KIAA1328: variants seen among roughly 807,000 people sequenced by gnomAD.
The protein encoded by KIAA1328 is protein hinderin.
Under a neutral mutation model 68.1 loss-of-function variants are expected in KIAA1328, and 52 were observed. The ratio of observed to expected loss-of-function variants is 0.76; its 90% CI spans 0.61 to 0.96. The LOEUF (loss-of-function observed/expected upper bound fraction) is 0.96. Ranked by LOEUF, KIAA1328 falls within the 40% of genes least tolerant of loss-of-function variation. The pLI is 0.00. For synonymous variants in KIAA1328, 232 were observed against 239.4 expected, an observed-to-expected ratio of 0.97 and a Z score of 0.28; for missense variants, 641 against 677.6, an observed-to-expected ratio of 0.95 and a Z score of 0.60.
intron 3 of KIAA1328, among the ~76,000 whole-genome samples, chr18:36,843,487 A>G (rs949753540): frequency 1.7e-4 from 26 of 152,250 alleles, no homozygotes; most frequent in Admixed American, 1.1e-3. Flanking sequence ...GACCCCTCCT[A>G]ATGATGCTGA....
intron 6 of KIAA1328, among the ~76,000 whole-genome samples, chr18:37,036,209 G>A (rs2055020052): frequency 6.6e-6 from 1 of 152,206 alleles, no homozygotes; most frequent in African/African-American, 2.4e-5. Flanking sequence ...CACTTGGTTT[G>A]AGTTGTTTCT....
intron 4 of KIAA1328, among the ~76,000 whole-genome samples, chr18:36,865,527 A>G (rs565322342): frequency 2.3e-3 from 354 of 152,300 alleles, no homozygotes; most frequent in Non-Finnish European, 3.4e-3. Context: ...CTCTTGGATG[A>G]CTTCGAGAGA....
intron 6 of KIAA1328, among the ~76,000 whole-genome samples, chr18:37,049,334 C>T (rs1210959990): frequency 6.6e-6 from 1 of 152,162 alleles, no homozygotes; most frequent in Non-Finnish European, 1.5e-5. Flanking sequence ...ATGATGCCAA[C>T]TCAGCCTTGA....
rs955803165 is a variant in KIAA1328 at position 37,024,744 on chromosome 18, A to G, written c.577-42146A>G. ...ATTGCTGCATAGTATTCCATGGTGT[A>G]TATGTGCCATATTTTCTCAATCCAG... On this transcript the variant is annotated intron_variant, in intron 6 of 9. Coordinates refer to ENST00000280020, the MANE Select transcript of KIAA1328 (RefSeq NM_020776.3). Among the ~76,000 whole-genome samples, 8 of 152,218 alleles carry G rather than the reference A, an allele frequency of 5.3e-5. No individual in the cohort carries two copies. In the East Asian group the frequency reaches 1.2e-3, roughly 22 times the overall value.
intron 6 of KIAA1328, among the ~76,000 whole-genome samples, chr18:37,053,607 G>T (rs1878231712): frequency 6.6e-6 from 1 of 152,074 alleles, no homozygotes; most frequent in Admixed American, 6.5e-5. Context: ...CCCAAGACTG[G>T]GTAATTTATA....
In KIAA1328 at chr18:37,002,231, T is replaced by C. The variant is rs1447479490; in HGVS notation, c.576+42796T>C. On this transcript the variant is annotated intron_variant, in intron 6 of 9. Transcript: ENST00000280020. The stretch of plus-strand genomic sequence containing the variant: ...TTCTTTTTCTTCATTTTTTTTTCTT[T>C]TTTTTTTTTTTTTTTTTGAGACAGT... 4.2e-4 allele frequency among the ~76,000 whole-genome samples: 16 copies of C among 37,926 alleles called. No homozygotes were observed. The East Asian group carries it at 0.017, about 40-fold the overall frequency. 24.9% of individuals were successfully genotyped at this position (37,926 alleles called of 152,430 possible). A position where few individuals can be genotyped will look rare whatever the true frequency, so the allele number is the denominator to read the frequency against.
intron 7 of KIAA1328, among the ~76,000 whole-genome samples, chr18:37,158,424 A>G (rs1051085747): frequency 6.6e-6 from 1 of 152,152 alleles, no homozygotes; most frequent in Admixed American, 6.5e-5. Flanking sequence ...CTGGGTATTA[A>G]TGGAGGATCT....
intron 6 of KIAA1328, among the ~76,000 whole-genome samples, chr18:37,019,878 G>T (rs969787482): frequency 1.3e-5 from 2 of 152,194 alleles, no homozygotes; most frequent in African/African-American, 4.8e-5. Flanking sequence ...AGATGAGTGG[G>T]TACAACAAAT....
At chr18:36,892,760 C>G (rs1598626757) in intron 5 of KIAA1328, among the ~76,000 whole-genome samples, 1 of 152,220 alleles carries the variant, frequency 6.6e-6, no homozygotes, top group Non-Finnish European at 1.5e-5. Context: ...TTGAATGATT[C>G]TTTCCATTTG....
At chr18:37,004,220 A>G (rs1194230739) in intron 6 of KIAA1328, among the ~76,000 whole-genome samples, 1 of 151,990 alleles carries the variant, frequency 6.6e-6, no homozygotes, top group African/African-American at 2.4e-5. Flanking sequence ...ATCCATGAGC[A>G]TGGGAGGTGT....
At chr18:36,992,315 C>T (rs1043867094) in intron 6 of KIAA1328, among the ~76,000 whole-genome samples, 2 of 152,044 alleles carry the variant, frequency 1.3e-5, no homozygotes, top group African/African-American at 2.4e-5. Flanking sequence ...TTTTCTCCTC[C>T]AAGGCATAAA....
chr18:36,863,115 C>T (rs2047622158), intron 4 of KIAA1328, among the ~76,000 whole-genome samples: 1 of 151,960 alleles, frequency 6.6e-6, no homozygotes, highest in Non-Finnish European at 1.5e-5. Flanking sequence ...TGTAGCTTGC[C>T]TTTCATCCCC....
At chr18:37,108,170 CA>C (rs777555721) in intron 7 of KIAA1328, among the ~76,000 whole-genome samples, 10 of 152,180 alleles carry the variant, frequency 6.6e-5, no homozygotes, top group Non-Finnish European at 1.3e-4. Flanking sequence ...GGTAAATATA[CA>C]CCTGGAAATA....
chr18:36,915,059 G>A (rs926509084), intron 5 of KIAA1328, among the ~76,000 whole-genome samples: 3 of 152,194 alleles, frequency 2.0e-5, no homozygotes, highest in African/African-American at 7.2e-5. Context: ...TTTATGGAAA[G>A]TTAAAGGAGC....
chr18:37,147,326 T>C (rs928834469), intron 7 of KIAA1328, among the ~76,000 whole-genome samples: 6 of 152,228 alleles, frequency 3.9e-5, no homozygotes, highest in African/African-American at 1.4e-4. Flanking sequence ...GGCCATCTTT[T>C]GGTTGATTTT....
At chr18:37,038,013 A>G (rs1202714309) in intron 6 of KIAA1328, among the ~76,000 whole-genome samples, 2 of 152,092 alleles carry the variant, frequency 1.3e-5, no homozygotes, top group Non-Finnish European at 2.9e-5. Context: ...AGGCAGCAGA[A>G]TGGCGTGAAC....
intron 4 of KIAA1328, among the ~76,000 whole-genome samples, chr18:36,876,073 T>C (rs981559871): frequency 6.6e-6 from 1 of 152,186 alleles, no homozygotes; most frequent in African/African-American, 2.4e-5. Flanking sequence ...TTTGCCAGTA[T>C]TTTACTGAGG....
chr18:37,121,463 C>T (rs867156844), intron 7 of KIAA1328, among the ~76,000 whole-genome samples: 4 of 126,094 alleles, frequency 3.2e-5, no homozygotes, highest in Non-Finnish European at 7.0e-5. Context: ...TCTATCTATG[C>T]ATCTATCGAT....
intron 6 of KIAA1328, among the ~76,000 whole-genome samples, chr18:36,973,388 G>A (rs964432183): frequency 6.6e-6 from 1 of 152,008 alleles, no homozygotes; most frequent in African/African-American, 2.4e-5. Flanking sequence ...ACGAGTTAAC[G>A]GGTGCAGCAC....
Sources: gnomAD v4.1 joint callset for allele counts (sites outside exome capture counted in the v4.1 genomes callset) on GRCh38, gnomAD v4.1.1 for gene constraint, MANE v1.5 for transcripts, NCBI Gene and HGNC (gene_info 2026-07-23, HGNC 2026-07-21) for gene names.